Variants in SHISAL1 observed in about 807,000 individuals in gnomAD.
SHISAL1 encodes protein shisa-like-1.
Under a neutral mutation model 22.6 loss-of-function variants are expected in SHISAL1, and 9 were observed. The observed-to-expected ratio is 0.40, with a 90% CI of 0.24 to 0.70. The LOEUF is 0.70. SHISAL1 is among the 30% of genes least tolerant of loss of function. The pLI, the probability that SHISAL1 is intolerant of heterozygous loss-of-function variation, is 0.39. For missense variants in SHISAL1, 246 were observed against 270.6 expected (o/e 0.91, Z 0.64); for synonymous variants, 119 against 115.4 (o/e 1.03, Z -0.20).
At chr22:44,306,385 A>G (rs1367449467) in intron 1 of SHISAL1, among the ~76,000 whole-genome samples, 133 of 69,248 alleles carry the variant, frequency 1.9e-3, no homozygotes, top group East Asian at 4.7e-3. Context: ...AGGGGAACTG[A>G]GCTCGGGGAG....
At chr22:44,292,854 G>A (rs1208425504) in intron 3 of SHISAL1, among the ~76,000 whole-genome samples, 1 of 152,236 alleles carries the variant, frequency 6.6e-6, no homozygotes, top group Non-Finnish European at 1.5e-5. Context: ...TCTCCCCTCA[G>A]TGGGGTCCAG....
At chr22:44,250,215 GATAAATTAT>G (rs2055037978) in intron 4 of SHISAL1, among the ~76,000 whole-genome samples, 1 of 152,292 alleles carries the variant, frequency 6.6e-6, no homozygotes, top group South Asian at 2.1e-4. Flanking sequence ...TGATTTGGCT[GATAAATTAT>G]ATGGTCACCA....
intron 4 of SHISAL1, among the ~76,000 whole-genome samples, chr22:44,263,296 C>T (rs1440992213): frequency 6.6e-6 from 1 of 152,024 alleles, no homozygotes; most frequent in African/African-American, 2.4e-5. Context: ...GTCTCGAACT[C>T]CTGACCTCAG....
chr22:44,260,857 T>C (rs1201415103), intron 4 of SHISAL1, among the ~76,000 whole-genome samples: 1 of 152,062 alleles, frequency 6.6e-6, no homozygotes, highest in Non-Finnish European at 1.5e-5. Context: ...TGCCCCTGCA[T>C]GGCAGTCTTT....
intron 4 of SHISAL1, among the ~76,000 whole-genome samples, chr22:44,257,601 T>C (rs1377312732): frequency 6.6e-6 from 1 of 152,202 alleles, no homozygotes; most frequent in Non-Finnish European, 1.5e-5. Context: ...TAAAATCTAT[T>C]CATTACCTAG....
chr22:44,308,733 A>T (rs9614231), intron 1 of SHISAL1, among the ~76,000 whole-genome samples: 2 of 151,966 alleles, frequency 1.3e-5, no homozygotes, highest in African/African-American at 2.4e-5. Context: ...TTTGTGTCCT[A>T]ACTTGAGAGT....
At chr22:44,301,006 G>A in intron 1 of SHISAL1, 29 bp from the exon 2 acceptor site, 1 of 1,508,494 alleles carries the variant, frequency 6.6e-7, no homozygotes, top group Non-Finnish European at 9.2e-7. Context: ...GAGAGGCTGG[G>A]TGTGGGCTGT....
At chr22:44,302,956 T>C (rs2055442598) in intron 1 of SHISAL1, among the ~76,000 whole-genome samples, 1 of 151,570 alleles carries the variant, frequency 6.6e-6, no homozygotes, top group South Asian at 2.1e-4. Flanking sequence ...GACCCTGGGG[T>C]TGGGGTATCA....
At chr22:44,279,489 T>C (rs2055262051) in intron 4 of SHISAL1, among the ~76,000 whole-genome samples, 2 of 152,238 alleles carry the variant, frequency 1.3e-5, no homozygotes, top group African/African-American at 2.4e-5. Context: ...GGACCCTGGC[T>C]GCAGAGCCAG....
Position 44,285,702 on chromosome 22 carries a change from C to A in SHISAL1, c.325G>T (p.Val109Leu), listed in dbSNP as rs763780338. Residue 109 changes from valine (V) to leucine (L), a missense_variant, in exon 4 of 5, where the codon GTG becomes TTG. Val to Leu is a conservative substitution (Grantham distance 32). This residue lies in a region of SHISAL1 where 110 missense variants were observed against 153.1 expected (regional missense o/e 0.72). Coordinates refer to ENST00000381176, the MANE Select transcript of SHISAL1 (RefSeq NM_001099294.2). The stretch of plus-strand genomic sequence containing the variant: ...AGGTCCAGAACCAGCAGCATCAACA[C>A]GAAAAATCCATAGATCCACACTCCC... ...LLGVWIYGFF[V>L]LMLLVLDLLY... The A allele has an allele frequency of 4.3e-6, 7 of 1,614,030 alleles. No homozygotes were observed. The highest frequency in any genetic ancestry group is 1.3e-5 in the African/African-American group (1 of 75,062).
At chr22:44,282,004 T>G (rs1006323156) in intron 4 of SHISAL1, among the ~76,000 whole-genome samples, 1 of 152,188 alleles carries the variant, frequency 6.6e-6, no homozygotes, top group Admixed American at 6.5e-5. Flanking sequence ...TTCTTATGAT[T>G]GATGGAGTGC....
chr22:44,308,502 C>G (rs1448529957), intron 1 of SHISAL1, among the ~76,000 whole-genome samples: 4 of 152,214 alleles, frequency 2.6e-5, no homozygotes. Context: ...GACCACCCTT[C>G]CCCTCTCCAA....
At chr22:44,314,026 G>A (rs1327547367), upstream of SHISAL1, among the ~76,000 whole-genome samples, 1 of 152,138 alleles carries the variant, frequency 6.6e-6, no homozygotes, top group Non-Finnish European at 1.5e-5. Context: ...TAGGGGCCGG[G>A]AGTGGGGGTG....
At position 44,246,746 on chromosome 22, in the gene SHISAL1, C is replaced by G. The variant is rs1465619172; in HGVS notation, c.*2939G>C. On this transcript the variant is annotated 3_prime_UTR_variant, in exon 5 of 5. Transcript: ENST00000381176. ...CTCTGTGAGACAGCAAGTACCGTGA[C>G]TAACTGGTACCCTACCTCACACACT... 7.0e-6 allele frequency: 1 copy of G among 143,466 alleles called. No homozygotes were observed. The highest frequency in any genetic ancestry group is 1.5e-5 in the Non-Finnish European group (1 of 64,972). 8.9% of individuals were successfully genotyped at this position (143,466 alleles called of 1,614,324 possible).
upstream of SHISAL1, among the ~76,000 whole-genome samples, chr22:44,314,682 T>C (rs1314403124): frequency 2.0e-5 from 3 of 151,984 alleles, no homozygotes; most frequent in Non-Finnish European, 4.4e-5. Context: ...CCTCAGCAAC[T>C]GTGGGGGAGG....
At chr22:44,326,034 C>T in the SHISAL1 span, among the ~76,000 whole-genome samples, 14 of 152,112 alleles carry the variant, frequency 9.2e-5, no homozygotes, top group East Asian at 2.5e-3. Flanking sequence ...TGTTTCAAAT[C>T]GCCCCTCCTC....
At chr22:44,325,478 G>A in the SHISAL1 span, among the ~76,000 whole-genome samples, 3 of 152,300 alleles carry the variant, frequency 2.0e-5, no homozygotes, top group South Asian at 2.1e-4. Flanking sequence ...TTCGGTTCCC[G>A]TGGAGGGAGA....
intron 1 of SHISAL1, among the ~76,000 whole-genome samples, chr22:44,302,617 A>G (rs550338883): frequency 2.0e-5 from 3 of 152,124 alleles, no homozygotes; most frequent in African/African-American, 7.2e-5. Flanking sequence ...GAGGGATAGC[A>G]GGGGCAAAGG....
At chr22:44,298,766 G>A (rs375237815) in intron 2 of SHISAL1, among the ~76,000 whole-genome samples, 108 of 152,334 alleles carry the variant, frequency 7.1e-4, no homozygotes, top group African/African-American at 2.5e-3. Context: ...GCAGAGATGG[G>A]GGGCCGGGGA....
Sources: allele counts gnomAD v4.1 joint callset (sites outside exome capture counted in the v4.1 genomes callset), GRCh38; gene constraint gnomAD v4.1.1; regional missense constraint gnomAD v4.1.1; transcripts MANE v1.5; gene names NCBI Gene and HGNC (gene_info 2026-07-23, HGNC 2026-07-21).